The following ZNF182 variants were observed in gnomAD, a reference collection of about 807,000 sequenced individuals.
ZNF182 encodes zinc finger protein 182, also known as zinc finger protein 21 (KOX 14).
A neutral mutation model predicts 28.1 loss-of-function variants in ZNF182; 10 were observed. The ratio of observed to expected loss-of-function variants is 0.36; its 90% CI spans 0.22 to 0.60. ZNF182 has a LOEUF of 0.60. Ranked by LOEUF, ZNF182 falls within the 20% of genes least tolerant of loss-of-function variation. The pLI is 0.75. For missense variants in ZNF182, 352 were observed against 453.2 expected, an observed-to-expected ratio of 0.78 and a Z score of 2.03; for synonymous variants, 156 against 158.7, an observed-to-expected ratio of 0.98 and a Z score of 0.13.
chrX:47,989,650 AT>A (rs1412903480), intron 3 of ZNF182, among the ~76,000 whole-genome samples: 1 of 112,097 alleles, frequency 8.9e-6, no homozygotes, highest in African/African-American at 3.2e-5. Flanking sequence ...AATATAAAGA[AT>A]ATACACTGCA....
intron 3 of ZNF182, among the ~76,000 whole-genome samples, chrX:47,986,436 T>C (rs1441089573): frequency 8.9e-6 from 1 of 112,609 alleles, no homozygotes. Flanking sequence ...TAACTTTATG[T>C]AACAGCAATT....
intron 3 of ZNF182, among the ~76,000 whole-genome samples, chrX:47,984,770 A>G (rs782384963): frequency 2.7e-5 from 3 of 112,327 alleles, no homozygotes; most frequent in Non-Finnish European, 5.6e-5. Context: ...TATCTGGCAA[A>G]TAACTTTTAT....
At chrX:48,000,747 C>T (rs781897674) in intron 3 of ZNF182, among the ~76,000 whole-genome samples, 2 of 110,779 alleles carry the variant, frequency 1.8e-5, no homozygotes, top group Non-Finnish European at 3.8e-5. Context: ...AAAATTCTTG[C>T]TCTGCAAACA....
intron 3 of ZNF182, among the ~76,000 whole-genome samples, chrX:47,989,426 C>CAAA (rs34874899): frequency 2.3e-5 from 2 of 88,686 alleles, no homozygotes; most frequent in Non-Finnish European, 2.2e-5. Context: ...GACTTCGTCT[C>CAAA]AAAAAAAAAA....
At chrX:47,982,904 G>A (rs782294163) in intron 5 of ZNF182, 45 bp downstream of exon 5, 1 of 1,140,132 alleles carries the variant, frequency 8.8e-7, no homozygotes, top group African/African-American at 1.8e-5. Flanking sequence ...TGACTAATAG[G>A]GTGGAACTTC....
intron 3 of ZNF182, among the ~76,000 whole-genome samples, chrX:47,998,595 G>A (rs913285178): frequency 2.7e-5 from 3 of 112,510 alleles, no homozygotes; most frequent in Non-Finnish European, 5.6e-5. Context: ...GGTGGCTCAC[G>A]CCTGTGATCC....
chrX:47,991,065 G>A (rs1466569547), intron 3 of ZNF182, among the ~76,000 whole-genome samples: 1 of 111,688 alleles, frequency 9.0e-6, no homozygotes, highest in African/African-American at 3.3e-5. Flanking sequence ...CCCAAAATTC[G>A]TATGTTGAAA....
intron 3 of ZNF182, chrX:47,988,379 G>C: frequency 6.5e-6 from 2 of 308,141 alleles, no homozygotes; most frequent in Admixed American, 5.6e-5. Flanking sequence ...TTGGGTAATG[G>C]GGATGGATCC....
chrX:47,980,350 T>C (rs868952364), intron 5 of ZNF182, among the ~76,000 whole-genome samples: 2 of 109,518 alleles, frequency 1.8e-5, no homozygotes, highest in Admixed American at 2.0e-4. Context: ...AAAGATATAG[T>C]TAGATAGGAG....
intron 3 of ZNF182, 66 bp from the exon 4 acceptor site, chrX:47,983,477 G>A (rs1716047743): frequency 2.7e-6 from 3 of 1,100,234 alleles, no homozygotes; most frequent in South Asian, 4.8e-5. Flanking sequence ...AAATGCACGG[G>A]AACTTCTGAT....
intron 5 of ZNF182, among the ~76,000 whole-genome samples, chrX:47,979,958 G>C (rs2058899543): frequency 9.2e-6 from 1 of 108,467 alleles, no homozygotes; most frequent in Non-Finnish European, 1.9e-5. Flanking sequence ...AATGAGATGA[G>C]ATCATTTGCT....
intron 3 of ZNF182, among the ~76,000 whole-genome samples, chrX:48,001,365 C>A (rs181622993): frequency 2.7e-5 from 3 of 112,491 alleles, no homozygotes; most frequent in Admixed American, 9.4e-5. Context: ...AACAAAGAAA[C>A]AACTACTGAC....
chrX:47,996,739 G>A (rs1306399104), intron 3 of ZNF182, among the ~76,000 whole-genome samples: 5 of 111,677 alleles, frequency 4.5e-5, no homozygotes, highest in Non-Finnish European at 7.5e-5. Flanking sequence ...AGGTCATAAG[G>A]GTGGGGCCCT....
intron 3 of ZNF182, among the ~76,000 whole-genome samples, chrX:47,995,351 A>C (rs782588423): frequency 8.9e-6 from 1 of 112,021 alleles, no homozygotes; most frequent in Non-Finnish European, 1.9e-5. Flanking sequence ...AAAAAGAACC[A>C]AATGAAAATT....
intron 3 of ZNF182, among the ~76,000 whole-genome samples, chrX:47,995,331 C>CA (rs1170701841): frequency 9.1e-6 from 1 of 109,595 alleles, no homozygotes; most frequent in Non-Finnish European, 1.9e-5. Flanking sequence ...GACGCTGTCT[C>CA]AAAAATAAAA....
intron 3 of ZNF182, among the ~76,000 whole-genome samples, chrX:48,000,519 G>A (rs184565336): frequency 7.0e-4 from 75 of 106,989 alleles, no homozygotes; most frequent in African/African-American, 2.3e-3. Context: ...CCAAGATGGC[G>A]CCACTGCACT....
intron 3 of ZNF182, among the ~76,000 whole-genome samples, chrX:48,000,172 A>G (rs1312926398): frequency 9.0e-6 from 1 of 111,393 alleles, no homozygotes; most frequent in Non-Finnish European, 1.9e-5. Flanking sequence ...AAAATAATAA[A>G]GCAAAAAAAA....
intron 2 of ZNF182, among the ~76,000 whole-genome samples, chrX:48,002,943 CT>C (rs781884650): frequency 8.9e-6 from 1 of 112,273 alleles, no homozygotes; most frequent in East Asian, 2.8e-4. Flanking sequence ...CATAATTTCT[CT>C]GCACGTACCC....
chrX:47,983,159 T>C (rs782105020), intron 4 of ZNF182, 121 bp from the exon 5 acceptor site: 156 of 1,115,921 alleles, frequency 1.4e-4, no homozygotes, highest in Non-Finnish European at 1.7e-4. Context: ...AGTCAAACCA[T>C]TTAACCTGCA....
Sources: gnomAD v4.1 joint callset for allele counts (sites outside exome capture counted in the v4.1 genomes callset) on GRCh38, gnomAD v4.1.1 for gene constraint, MANE v1.5 for transcripts, NCBI Gene and HGNC (gene_info 2026-07-23, HGNC 2026-07-21) for gene names.